Variants in PLXNA4 observed in about 807,000 individuals in gnomAD.
The protein encoded by PLXNA4 is plexin A4.
PLXNA4 carries 44 observed loss-of-function variants against 191.8 expected under a neutral mutation model. The observed-to-expected ratio is 0.23, with a 90% CI of 0.18 to 0.29. The LOEUF is 0.29. PLXNA4 is among the 10% of genes least tolerant of loss of function. The pLI, the probability that PLXNA4 is intolerant of heterozygous loss-of-function variation, is 1.00. For missense variants in PLXNA4, 1,800 were observed against 2,488.8 expected (o/e 0.72, Z 5.89); for synonymous variants, 1,082 against 1,009.5 (o/e 1.07, Z -1.36).
In PLXNA4 at chr7:132,508,698, G is replaced by C; in HGVS notation, c.-5C>G. ...GTTCCAGGGCATGGCTTTCATGGCA[G>C]AGGCGGGTCCCAGTGGCACAGCAGC... On this transcript the variant is annotated 5_prime_UTR_variant, in exon 2 of 32. Transcript: ENST00000321063. The surrounding 1 kb of genome is among the most constrained non-coding windows in gnomAD (Gnocchi z 4.4). 1 of 1,500,036 alleles carries C rather than the reference G, an allele frequency of 6.7e-7. No individual in the cohort carries two copies. The highest frequency in any genetic ancestry group is 1.4e-5 in the African/African-American group (1 of 72,232). 92.9% of individuals were successfully genotyped at this position (1,500,036 alleles called of 1,614,324 possible).
chr7:132,255,473 G>C (rs1799400451), intron 4 of PLXNA4, among the ~76,000 whole-genome samples: 1 of 152,196 alleles, frequency 6.6e-6, no homozygotes, highest in Non-Finnish European at 1.5e-5. Context: ...TTTTGGGTTT[G>C]CTTTTCCTGG....
At chr7:132,411,184 G>A (rs749142652) in intron 3 of PLXNA4, among the ~76,000 whole-genome samples, 1 of 152,196 alleles carries the variant, frequency 6.6e-6, no homozygotes, top group Non-Finnish European at 1.5e-5. Context: ...TGCTCCATGT[G>A]TCCAAACAAC....
chr7:132,328,444 AGAT>A (rs1203158620), intron 3 of PLXNA4, among the ~76,000 whole-genome samples: 1 of 152,176 alleles, frequency 6.6e-6, no homozygotes. Context: ...ATTCTGTGCA[AGAT>A]GCCTGGGGCT....
At chr7:132,464,077 A>G (rs1796611021) in intron 3 of PLXNA4, among the ~76,000 whole-genome samples, 1 of 152,362 alleles carries the variant, frequency 6.6e-6, no homozygotes, top group East Asian at 1.9e-4. Flanking sequence ...CAATGTTACT[A>G]GGACACAGTT....
intron 3 of PLXNA4, chr7:132,484,711 A>G (rs1563126089): frequency 6.6e-7 from 1 of 1,521,808 alleles, no homozygotes; most frequent in East Asian, 2.4e-5. Context: ...GTGTTCCAAC[A>G]TTGTATCTCC....
chr7:132,228,513 G>T (rs1260038161), intron 5 of PLXNA4, 44 bp from the exon 6 acceptor site: 3 of 1,608,192 alleles, frequency 1.9e-6, no homozygotes, highest in African/African-American at 2.7e-5. Context: ...ATGGCCGCTT[G>T]GTCCAGGGAG....
intron 3 of PLXNA4, among the ~76,000 whole-genome samples, chr7:132,375,248 A>C (rs547307997): frequency 5.9e-4 from 89 of 151,974 alleles, no homozygotes; most frequent in African/African-American, 1.9e-3. Context: ...CACATCTTCC[A>C]TGTCATCTTG....
intron 3 of PLXNA4, among the ~76,000 whole-genome samples, chr7:132,463,914 A>G (rs1796605871): frequency 6.6e-6 from 1 of 152,234 alleles, no homozygotes; most frequent in South Asian, 2.1e-4. Flanking sequence ...CACAGAGCAG[A>G]GGCCCAGGAG....
intron 5 of PLXNA4, among the ~76,000 whole-genome samples, chr7:132,238,634 T>C (rs1025422162): frequency 2.2e-4 from 33 of 152,132 alleles, no homozygotes; most frequent in African/African-American, 7.7e-4. Context: ...TGGTGCTACA[T>C]GGAAACACGA....
chr7:132,317,784 A>G (rs554635731), intron 3 of PLXNA4, among the ~76,000 whole-genome samples: 2 of 152,348 alleles, frequency 1.3e-5, no homozygotes, highest in South Asian at 4.1e-4. Flanking sequence ...TCAGCACAGC[A>G]TTGTGGAACA....
intron 3 of PLXNA4, among the ~76,000 whole-genome samples, chr7:132,332,887 G>T (rs1802650318): frequency 6.6e-6 from 1 of 151,042 alleles, no homozygotes; most frequent in South Asian, 2.1e-4. Flanking sequence ...AAAAAGGACA[G>T]GACATCCATG....
chr7:132,203,276 C>G, intron 11 of PLXNA4, 47 bp downstream of exon 11: 1 of 1,537,574 alleles, frequency 6.5e-7, no homozygotes, highest in Non-Finnish European at 9.0e-7. Context: ...CCCTCTCTAC[C>G]CCATCCCTTC....
At chr7:132,632,165 G>A (rs931241329) in intron 2 of PLXNA4, among the ~76,000 whole-genome samples, 8 of 150,366 alleles carry the variant, frequency 5.3e-5, no homozygotes, top group Non-Finnish European at 1.2e-4. Flanking sequence ...GAACCCGGGA[G>A]GCGGAGGTTG....
At chr7:132,221,720 TCC>T (rs1248781348) in intron 9 of PLXNA4, among the ~76,000 whole-genome samples, 1 of 152,218 alleles carries the variant, frequency 6.6e-6, no homozygotes, top group Non-Finnish European at 1.5e-5. Flanking sequence ...ACCACTCTCC[TCC>T]CTTTCCCTAT....
At chr7:132,516,217 T>C (rs1383562586) in intron 1 of PLXNA4, among the ~76,000 whole-genome samples, 1 of 147,994 alleles carries the variant, frequency 6.8e-6, no homozygotes, top group Non-Finnish European at 1.5e-5. Context: ...CTCCATTTTG[T>C]CCTTTTATTT....
intron 2 of PLXNA4, among the ~76,000 whole-genome samples, chr7:132,588,467 C>T (rs1035082651): frequency 2.6e-5 from 4 of 152,086 alleles, no homozygotes; most frequent in Non-Finnish European, 5.9e-5. Flanking sequence ...GTATTATCAA[C>T]ACTGGCATCA....
rs771160287 is a variant in PLXNA4, at chr7:132,507,629, C to A, written c.1065G>T (p.Leu355=). 1 of 1,614,112 alleles carries A rather than the reference C, an allele frequency of 6.2e-7. No homozygotes were observed. Among genetic ancestry groups the A allele is most frequent in the African/African-American group, 1.3e-5 (1 of 74,942 alleles). Residue 355 remains leucine (L), a synonymous_variant, in exon 2 of 32, where the codon CTG becomes CTT. Transcript: ENST00000321063. Reference sequence around the variant, plus strand: ...TTATCTGCTTCAAGATGAAGATGCACAGGGCCGACTCATCCAGGGATTTCA... The same window carrying A: ...TTATCTGCTTCAAGATGAAGATGCAAAGGGCCGACTCATCCAGGGATTTCA... ...RKMKSLDESA[L]CIFILKQIND... is the part of the protein sequence containing the mutation.
intron 2 of PLXNA4, among the ~76,000 whole-genome samples, chr7:132,604,247 G>A (rs146844569): frequency 0.025 from 3,845 of 152,276 alleles, 60 homozygotes; most frequent in Non-Finnish European, 0.041. Context: ...CTGGATAGTG[G>A]CCCATGAACT....
intron 1 of PLXNA4, among the ~76,000 whole-genome samples, chr7:132,526,283 TG>T (rs1345439687): frequency 1.3e-5 from 2 of 152,198 alleles, no homozygotes; most frequent in African/African-American, 4.8e-5. Flanking sequence ...TCCATCACCA[TG>T]GCCCCATGGA....
Sources: allele counts gnomAD v4.1 joint callset (sites outside exome capture counted in the v4.1 genomes callset), GRCh38; gene constraint gnomAD v4.1.1; non-coding constraint Gnocchi (gnomAD v3.1); transcripts MANE v1.5; gene names NCBI Gene and HGNC (gene_info 2026-07-23, HGNC 2026-07-21).